The following MALRD1 variants were observed in gnomAD, a reference collection of about 807,000 sequenced individuals.
MALRD1 encodes the protein MAM and LDL receptor class A domain containing 1.
A neutral mutation model predicts 242.1 loss-of-function variants in MALRD1; 247 were observed. The observed-to-expected ratio is 1.02, with a 90% CI of 0.92 to 1.13. MALRD1 has a LOEUF of 1.13. Among genes scored for constraint, MALRD1 ranks in the 50% most tolerant of loss-of-function variants. The probability of loss-of-function intolerance (pLI) is 0.00; values close to 1 mark genes in which losing one functional copy is unlikely to be tolerated. For missense variants in MALRD1, 2,989 were observed against 2,533.1 expected (o/e 1.18, Z -3.86); for synonymous variants, 995 against 866.6 (o/e 1.15, Z -2.60).
chr10:19,310,285 G>A (rs1033398892), intron 21 of MALRD1, among the ~76,000 whole-genome samples: 1 of 151,496 alleles, frequency 6.6e-6, no homozygotes, highest in South Asian at 2.1e-4. Flanking sequence ...TTTTATGCAC[G>A]GGAGCCGCTT....
chr10:19,455,043 C>A (rs1835571318), intron 29 of MALRD1, among the ~76,000 whole-genome samples: 2 of 152,000 alleles, frequency 1.3e-5, no homozygotes, highest in Admixed American at 6.6e-5. Context: ...TCCAGGAACA[C>A]AATAAGAAGG....
At position 19,633,383 on chromosome 10, in the gene MALRD1, A is replaced by G. The variant is rs140533896; in HGVS notation, c.6137+17460A>G. Among the ~76,000 whole-genome samples the G allele has an allele frequency of 2.1e-3, 313 of 152,310 alleles. 2 individuals are homozygous for G. Among genetic ancestry groups the G allele is most frequent in the African/African-American group, 6.2e-3 (257 of 41,578 alleles). On this transcript the variant is annotated intron_variant, in intron 36 of 39. Transcript: ENST00000454679. ...CATTGATATGTTTCTTACAGTAGTA[A>G]AAGCTCGTAGGAACGTTTGTCAAGC...
intron 14 of MALRD1, among the ~76,000 whole-genome samples, chr10:19,197,573 G>C (rs1228342900): frequency 6.6e-6 from 1 of 152,082 alleles, no homozygotes; most frequent in Non-Finnish European, 1.5e-5. Flanking sequence ...TCAAGGCTTT[G>C]TCCCTGTGAT....
chr10:19,218,819 A>G (rs1837437252), intron 18 of MALRD1, among the ~76,000 whole-genome samples: 1 of 152,136 alleles, frequency 6.6e-6, no homozygotes, highest in Non-Finnish European at 1.5e-5. Context: ...CATATTAAAT[A>G]AGAAACAAAA....
chr10:19,452,750 T>G (rs1835398733), intron 29 of MALRD1, among the ~76,000 whole-genome samples: 1 of 152,206 alleles, frequency 6.6e-6, no homozygotes, highest in South Asian at 2.1e-4. Context: ...TAAGTTACAC[T>G]AAGTTGCTTT....
chr10:19,494,030 C>A (rs1837609320), intron 30 of MALRD1, among the ~76,000 whole-genome samples: 1 of 152,092 alleles, frequency 6.6e-6, no homozygotes, highest in South Asian at 2.1e-4. Flanking sequence ...GAGGAGCCCA[C>A]ACATTCAGGG....
At chr10:19,114,086 A>T (rs989408014) in intron 5 of MALRD1, among the ~76,000 whole-genome samples, 2 of 152,216 alleles carry the variant, frequency 1.3e-5, no homozygotes, top group Non-Finnish European at 2.9e-5. Flanking sequence ...GCAGATTTAA[A>T]TAAAATATCA....
chr10:19,401,252 T>G (rs1846828083), intron 28 of MALRD1, among the ~76,000 whole-genome samples: 1 of 152,180 alleles, frequency 6.6e-6, no homozygotes, highest in Non-Finnish European at 1.5e-5. Flanking sequence ...TTTGTGTTAT[T>G]TAACATAGCA....
At chr10:19,081,993 C>T (rs192452123) in intron 2 of MALRD1, among the ~76,000 whole-genome samples, 1 of 151,898 alleles carries the variant, frequency 6.6e-6, no homozygotes, top group African/African-American at 2.4e-5. Flanking sequence ...AATCTATTTG[C>T]ATATTATATA....
At chr10:19,205,525 T>A (rs895568540) in intron 17 of MALRD1, among the ~76,000 whole-genome samples, 2 of 151,586 alleles carry the variant, frequency 1.3e-5, no homozygotes, top group African/African-American at 4.9e-5. Flanking sequence ...ACAATCTTAC[T>A]GAAAGACAAA....
intron 29 of MALRD1, among the ~76,000 whole-genome samples, chr10:19,483,927 A>G (rs1410292657): frequency 6.6e-6 from 1 of 152,198 alleles, no homozygotes; most frequent in Admixed American, 6.5e-5. Context: ...ATTATACACT[A>G]TGGAATACTA....
intron 17 of MALRD1, among the ~76,000 whole-genome samples, chr10:19,207,430 G>A (rs553450612): frequency 2.0e-5 from 3 of 152,252 alleles, no homozygotes; most frequent in Admixed American, 2.0e-4. Context: ...TCCTGAAACT[G>A]AGAATAGTAC....
chr10:19,103,902 T>C (rs1192581629), intron 4 of MALRD1, 77 bp from the exon 5 acceptor site: 12 of 875,280 alleles, frequency 1.4e-5, no homozygotes, highest in Middle Eastern at 4.9e-4. Flanking sequence ...TTGCAGGCTC[T>C]CTTTTATAAC....
intron 32 of MALRD1, among the ~76,000 whole-genome samples, chr10:19,560,160 A>G (rs1189566915): frequency 6.6e-6 from 1 of 152,328 alleles, no homozygotes; most frequent in South Asian, 2.1e-4. Context: ...AGGATTATAA[A>G]TCATTCTACT....
chr10:19,261,816 T>C (rs1160111642), intron 19 of MALRD1, among the ~76,000 whole-genome samples: 1 of 151,806 alleles, frequency 6.6e-6, no homozygotes. Context: ...ATGAAAGCAG[T>C]GTTCTCCAGC....
chr10:19,539,751 G>C (rs891033438), intron 32 of MALRD1, among the ~76,000 whole-genome samples: 3 of 151,324 alleles, frequency 2.0e-5, no homozygotes, highest in African/African-American at 7.3e-5. Context: ...CAGTGGTGCA[G>C]TCTCCACTCA....
intron 28 of MALRD1, among the ~76,000 whole-genome samples, chr10:19,447,041 A>AACACACAC (rs10535583): frequency 6.7e-6 from 1 of 148,356 alleles, no homozygotes; most frequent in African/African-American, 2.5e-5. Flanking sequence ...CTCTGTTAGG[A>AACACACAC]ACACACACAC....
intron 38 of MALRD1, among the ~76,000 whole-genome samples, chr10:19,700,209 A>G (rs1833564012): frequency 6.6e-6 from 1 of 152,110 alleles, no homozygotes. Context: ...CTCTGTTTCC[A>G]TCTCTTCTCT....
At chr10:19,561,919 A>G (rs1222797966) in intron 32 of MALRD1, among the ~76,000 whole-genome samples, 2 of 152,154 alleles carry the variant, frequency 1.3e-5, no homozygotes, top group African/African-American at 4.8e-5. Context: ...ACTGACAAGA[A>G]CAGAATGTTC....
Sources: allele counts gnomAD v4.1 joint callset (sites outside exome capture counted in the v4.1 genomes callset), GRCh38; gene constraint gnomAD v4.1.1; transcripts MANE v1.5; gene names NCBI Gene and HGNC (gene_info 2026-07-23, HGNC 2026-07-21).